SLC67A2: variants seen among roughly 807,000 people sequenced by gnomAD.
SLC67A2 encodes solute carrier family 67 member 2, also known as solute carrier family 67 member A2.
chr2:102,723,225 C>A, the SLC67A2 span, among the ~76,000 whole-genome samples: 1 of 152,210 alleles, frequency 6.6e-6, no homozygotes, highest in Admixed American at 6.5e-5. Context: ...AATCCCAGCA[C>A]TTTGGGAGGC....
the SLC67A2 span, chr2:102,726,819 A>G: frequency 2.2e-6 from 3 of 1,363,610 alleles, no homozygotes; most frequent in Non-Finnish European, 3.0e-6. Context: ...TACGTTTGAA[A>G]AAAAAAAAAA....
the SLC67A2 span, among the ~76,000 whole-genome samples, chr2:102,725,229 AAGC>A: frequency 6.6e-6 from 1 of 152,166 alleles, no homozygotes; most frequent in Non-Finnish European, 1.5e-5. Context: ...TGACTTTGTG[AAGC>A]AGAACCCTGT....
chr2:102,718,066 T>A, the SLC67A2 span: 20 of 195,494 alleles, frequency 1.0e-4, no homozygotes, highest in Non-Finnish European at 1.9e-4. Flanking sequence ...CCAGGTATCA[T>A]GTTCTCTTAT....
the SLC67A2 span, among the ~76,000 whole-genome samples, chr2:102,731,678 A>G: frequency 6.6e-6 from 1 of 152,350 alleles, no homozygotes; most frequent in African/African-American, 2.4e-5. Flanking sequence ...CCATGATTTA[A>G]CAAATATTAT....
At chr2:102,720,947 G>C in the SLC67A2 span, among the ~76,000 whole-genome samples, 1 of 152,218 alleles carries the variant, frequency 6.6e-6, no homozygotes, top group Admixed American at 6.5e-5. Context: ...CCAAAGCCCT[G>C]GGTGGGACAG....
chr2:102,724,653 A>G, the SLC67A2 span, among the ~76,000 whole-genome samples: 4 of 152,226 alleles, frequency 2.6e-5, no homozygotes, highest in African/African-American at 4.8e-5. Flanking sequence ...TGATCAACAC[A>G]TAGTAGAAAC....
At chr2:102,726,639 C>G in the SLC67A2 span, among the ~76,000 whole-genome samples, 2 of 152,028 alleles carry the variant, frequency 1.3e-5, no homozygotes, top group African/African-American at 2.4e-5. Flanking sequence ...CACACACACA[C>G]AGGCCAGCAT....
chr2:102,736,849 G>C, the SLC67A2 span: 2 of 1,561,470 alleles, frequency 1.3e-6, no homozygotes, highest in Admixed American at 1.8e-5. Flanking sequence ...CAGCAGCCGC[G>C]GACCTACCCC....
the SLC67A2 span, chr2:102,730,992 C>A: frequency 6.2e-7 from 1 of 1,603,822 alleles, no homozygotes; most frequent in East Asian, 2.2e-5. Flanking sequence ...TTTACTACAT[C>A]TGTGATGGAT....
the SLC67A2 span, chr2:102,732,537 A>T: frequency 1.4e-6 from 1 of 726,544 alleles, no homozygotes; most frequent in East Asian, 2.8e-5. Flanking sequence ...TCATAATTGG[A>T]TTCCATAGCA....
the SLC67A2 span, among the ~76,000 whole-genome samples, chr2:102,733,744 A>AT: frequency 1.6e-3 from 242 of 148,600 alleles, 4 homozygotes; most frequent in East Asian, 0.043. Flanking sequence ...TCCAATAACC[A>AT]TTTTTTTCCA....
At chr2:102,736,832 G>C in the SLC67A2 span, 9 of 1,586,968 alleles carry the variant, frequency 5.7e-6, no homozygotes, top group African/African-American at 5.4e-5. Flanking sequence ...CCGGGGGTCG[G>C]ACGCAGCAGC....
chr2:102,722,226 A>C, the SLC67A2 span, among the ~76,000 whole-genome samples: 1 of 152,256 alleles, frequency 6.6e-6, no homozygotes, highest in Non-Finnish European at 1.5e-5. Flanking sequence ...AATGCTGAAA[A>C]GAGAGAGCCA....
chr2:102,732,006 G>A, the SLC67A2 span: 5 of 463,406 alleles, frequency 1.1e-5, no homozygotes, highest in Non-Finnish European at 2.1e-5. Flanking sequence ...CTGTAGGCAG[G>A]AGTCCACATG....
chr2:102,727,110 G>A, the SLC67A2 span: 1 of 863,462 alleles, frequency 1.2e-6, no homozygotes, highest in Non-Finnish European at 1.7e-6. Flanking sequence ...GTTCCATGAT[G>A]CCATTTGTCA....
At chr2:102,726,572 A>G in the SLC67A2 span, among the ~76,000 whole-genome samples, 2 of 152,266 alleles carry the variant, frequency 1.3e-5, no homozygotes, top group African/African-American at 4.8e-5. Flanking sequence ...GGCAATGTCC[A>G]GCAGGAACAG....
chr2:102,715,835 A>C, the SLC67A2 span: 1 of 152,196 alleles, frequency 6.6e-6, no homozygotes, highest in Non-Finnish European at 1.5e-5. Flanking sequence ...ATGAAACACC[A>C]CAAATGTCAA....
At chr2:102,726,588 A>G in the SLC67A2 span, among the ~76,000 whole-genome samples, 1 of 152,066 alleles carries the variant, frequency 6.6e-6, no homozygotes, top group Non-Finnish European at 1.5e-5. Context: ...AACAGGCTTT[A>G]GATATAGACA....
the SLC67A2 span, chr2:102,726,944 AC>A: frequency 3.7e-6 from 6 of 1,613,688 alleles, no homozygotes; most frequent in Middle Eastern, 6.6e-4. Flanking sequence ...AGCAAGGAAG[AC>A]CGTCTTCCCA....
Sources: allele counts gnomAD v4.1 joint callset (sites outside exome capture counted in the v4.1 genomes callset), GRCh38; gene constraint gnomAD v4.1.1; transcripts MANE v1.5; gene names NCBI Gene and HGNC (gene_info 2026-07-23, HGNC 2026-07-21).